Variants in ACTR3C observed in about 807,000 individuals in gnomAD.
The protein encoded by ACTR3C is actin related protein 3C, also known as actin-related protein 3C.
ACTR3C carries 18 observed loss-of-function variants against 26.3 expected under a neutral mutation model. The observed-to-expected ratio is 0.68, with a 90% CI of 0.47 to 1.01. ACTR3C has a LOEUF of 1.01. ACTR3C is among the 50% of genes least tolerant of loss of function. The probability of loss-of-function intolerance (pLI) is 0.00; values close to 1 mark genes in which losing one functional copy is unlikely to be tolerated. For synonymous variants in ACTR3C, 55 were observed against 94.5 expected, an observed-to-expected ratio of 0.58 and a Z score of 2.42; for missense variants, 184 against 250.7, an observed-to-expected ratio of 0.73 and a Z score of 1.80.
At chr7:149,938,951 A>T in the ACTR3C span, among the ~76,000 whole-genome samples, 1 of 41,900 alleles carries the variant, frequency 2.4e-5, no homozygotes, top group African/African-American at 5.9e-5. Flanking sequence ...ATATGTATAT[A>T]TATAAAAATA....
chr7:150,279,027 C>T (rs567836493), intron 6 of ACTR3C, among the ~76,000 whole-genome samples: 62 of 152,222 alleles, frequency 4.1e-4, no homozygotes, highest in South Asian at 3.5e-3. Context: ...AAAATAGAGC[C>T]GGCGCAGTGG....
the ACTR3C span, among the ~76,000 whole-genome samples, chr7:150,025,706 G>T: frequency 1.3e-5 from 2 of 152,132 alleles, no homozygotes; most frequent in Non-Finnish European, 2.9e-5. Context: ...GATGAAACGA[G>T]ATTGCCGAAG....
At chr7:149,947,826 G>C in the ACTR3C span, among the ~76,000 whole-genome samples, 1 of 144,816 alleles carries the variant, frequency 6.9e-6, no homozygotes, top group East Asian at 1.9e-4. Context: ...GGACAGAGCT[G>C]TGAGGTTTCT....
the ACTR3C span, among the ~76,000 whole-genome samples, chr7:150,212,299 A>G: frequency 6.7e-6 from 1 of 149,376 alleles, no homozygotes; most frequent in Admixed American, 6.6e-5. Context: ...CCAACAAATA[A>G]AACCAGAAAA....
the ACTR3C span, among the ~76,000 whole-genome samples, chr7:149,954,065 T>C: frequency 1.4e-5 from 2 of 144,466 alleles, no homozygotes; most frequent in Non-Finnish European, 3.0e-5. Context: ...CTGAAGTTTT[T>C]ATGTAATTTT....
the ACTR3C span, among the ~76,000 whole-genome samples, chr7:150,019,769 A>T: frequency 6.6e-6 from 1 of 151,932 alleles, no homozygotes; most frequent in Admixed American, 6.6e-5. Flanking sequence ...AGGGGGCTGG[A>T]CACCCTGCAA....
chr7:149,959,229 A>AC, the ACTR3C span, among the ~76,000 whole-genome samples: 4 of 19,524 alleles, frequency 2.0e-4, no homozygotes, highest in Non-Finnish European at 6.7e-4. Flanking sequence ...CTCGCCCCCC[A>AC]CCCCCACAAT....
the ACTR3C span, among the ~76,000 whole-genome samples, chr7:150,155,507 T>C: frequency 6.6e-6 from 1 of 152,096 alleles, no homozygotes; most frequent in African/African-American, 2.4e-5. Flanking sequence ...TTCATCTAGC[T>C]CAGCAAAACA....
chr7:150,286,597 C>G, intron 4 of ACTR3C, 57 bp from the exon 5 acceptor site: 2 of 1,586,600 alleles, frequency 1.3e-6, no homozygotes, highest in Non-Finnish European at 1.7e-6. Context: ...TGTCTCTGCC[C>G]TCAGACAAAT....
chr7:150,017,406 G>GGAACCC, the ACTR3C span, among the ~76,000 whole-genome samples: 1 of 150,764 alleles, frequency 6.6e-6, no homozygotes, highest in African/African-American at 2.5e-5. Context: ...TCACAGACCA[G>GGAACCC]GTCCATTCTC....
chr7:150,227,114 C>A, the ACTR3C span, among the ~76,000 whole-genome samples: 1 of 150,468 alleles, frequency 6.6e-6, no homozygotes, highest in African/African-American at 2.5e-5. Context: ...ATCATCTCAC[C>A]AACTTAACAT....
chr7:149,989,641 T>C, the ACTR3C span, among the ~76,000 whole-genome samples: 2 of 152,256 alleles, frequency 1.3e-5, no homozygotes, highest in African/African-American at 2.4e-5. Flanking sequence ...TAGTATTCCA[T>C]TGTGTGCATA....
the ACTR3C span, among the ~76,000 whole-genome samples, chr7:149,948,708 AG>A: frequency 2.0e-5 from 3 of 151,976 alleles, no homozygotes; most frequent in Non-Finnish European, 4.4e-5. Context: ...GTGGATTTGA[AG>A]GAGGTGACTC....
At chr7:150,054,923 A>C in the ACTR3C span, among the ~76,000 whole-genome samples, 1 of 152,252 alleles carries the variant, frequency 6.6e-6, no homozygotes, top group African/African-American at 2.4e-5. Context: ...GACTGATACT[A>C]CACATTATCC....
intron 6 of ACTR3C, among the ~76,000 whole-genome samples, chr7:150,279,817 AC>A (rs1444329854): frequency 6.6e-6 from 1 of 152,190 alleles, no homozygotes; most frequent in Non-Finnish European, 1.5e-5. Flanking sequence ...TGCATGATTC[AC>A]TTTAATGACA....
chr7:150,140,783 A>C, the ACTR3C span, among the ~76,000 whole-genome samples: 1 of 152,266 alleles, frequency 6.6e-6, no homozygotes, highest in African/African-American at 2.4e-5. Context: ...AAAAATTAGA[A>C]TTGATTATGC....
the ACTR3C span, among the ~76,000 whole-genome samples, chr7:150,022,423 G>A: frequency 6.6e-6 from 1 of 151,406 alleles, no homozygotes; most frequent in Middle Eastern, 3.4e-3. Context: ...GACAACACAT[G>A]CATCTCTTGA....
chr7:150,204,641 C>G, the ACTR3C span, among the ~76,000 whole-genome samples: 2 of 152,224 alleles, frequency 1.3e-5, no homozygotes, highest in Non-Finnish European at 2.9e-5. Context: ...CTCTCCTCCC[C>G]CTGAACCCAA....
At chr7:150,227,696 T>TTG in the ACTR3C span, among the ~76,000 whole-genome samples, 129 of 138,028 alleles carry the variant, frequency 9.3e-4, 3 homozygotes, top group African/African-American at 3.7e-3. Flanking sequence ...GGGTTTTTTT[T>TTG]TTTTGTTTTT....
Sources: allele counts gnomAD v4.1 joint callset (sites outside exome capture counted in the v4.1 genomes callset), GRCh38; gene constraint gnomAD v4.1.1; transcripts MANE v1.5; gene names NCBI Gene and HGNC (gene_info 2026-07-23, HGNC 2026-07-21).